The following RGPD2 variants were observed in gnomAD, a reference collection of about 807,000 sequenced individuals.
RGPD2 encodes RANBP2 like and GRIP domain containing 2, also known as RANBP2-like and GRIP domain-containing protein 2.
A neutral mutation model predicts 36.0 loss-of-function variants in RGPD2; 2 were observed. The ratio of observed to expected loss-of-function variants is 0.06; its 90% CI spans 0.02 to 0.17. The LOEUF (loss-of-function observed/expected upper bound fraction) is 0.17, where lower values mean the gene tolerates loss of function less well. Among genes scored for constraint, RGPD2 ranks in the 10% least tolerant of loss-of-function variants. The pLI, the probability that RGPD2 is intolerant of heterozygous loss-of-function variation, is 1.00. For synonymous variants in RGPD2, 19 were observed against 163.8 expected, an observed-to-expected ratio of 0.12 and a Z score of 6.75; for missense variants, 40 against 464.3, an observed-to-expected ratio of 0.09 and a Z score of 8.40.
At chr2:87,830,274 C>A (rs371536192), upstream of RGPD2, among the ~76,000 whole-genome samples, 1 of 151,686 alleles carries the variant, frequency 6.6e-6, no homozygotes, top group Admixed American at 6.6e-5. Flanking sequence ...CATTTTCCAC[C>A]CCTGCTGAAA....
the RGPD2 span, among the ~76,000 whole-genome samples, chr2:87,866,411 C>G: frequency 5.9e-5 from 9 of 152,186 alleles, no homozygotes; most frequent in Non-Finnish European, 8.8e-5. Context: ...CTGCTCTACA[C>G]TTGAATTTTT....
At chr2:87,807,356 T>C (rs1443597654) in intron 6 of RGPD2, among the ~76,000 whole-genome samples, 4 of 145,822 alleles carry the variant, frequency 2.7e-5, no homozygotes, top group African/African-American at 8.4e-5. Context: ...CTTTTTACTA[T>C]ATAGATCATT....
the RGPD2 span, among the ~76,000 whole-genome samples, chr2:87,974,880 C>T: frequency 6.6e-6 from 1 of 152,096 alleles, no homozygotes; most frequent in Non-Finnish European, 1.5e-5. Context: ...GTTCCTTTTA[C>T]TATTCATTTA....
chr2:87,932,583 C>T, the RGPD2 span, among the ~76,000 whole-genome samples: 1 of 143,182 alleles, frequency 7.0e-6, no homozygotes, highest in South Asian at 2.3e-4. Context: ...TTTGTAGTGG[C>T]TGGTAATGGT....
chr2:87,839,633 G>C, the RGPD2 span, among the ~76,000 whole-genome samples: 1 of 152,008 alleles, frequency 6.6e-6, no homozygotes, highest in Non-Finnish European at 1.5e-5. Flanking sequence ...AACATGGATG[G>C]AGCTGGAGGC....
chr2:87,842,640 G>A, the RGPD2 span, among the ~76,000 whole-genome samples: 2 of 149,574 alleles, frequency 1.3e-5, no homozygotes, highest in African/African-American at 5.0e-5. Context: ...ACTGCCCAAG[G>A]TAATGTATAG....
chr2:87,973,538 C>T, the RGPD2 span, among the ~76,000 whole-genome samples: 373 of 139,780 alleles, frequency 2.7e-3, 3 homozygotes, highest in African/African-American at 9.1e-3. Flanking sequence ...AGTCCCAACT[C>T]CTTGCGTTCC....
the RGPD2 span, among the ~76,000 whole-genome samples, chr2:87,881,287 C>T: frequency 6.6e-6 from 1 of 152,152 alleles, no homozygotes; most frequent in Non-Finnish European, 1.5e-5. Flanking sequence ...AGGATGGTGG[C>T]TCCTTTCCCA....
chr2:87,834,663 A>T, the RGPD2 span, among the ~76,000 whole-genome samples: 1 of 152,092 alleles, frequency 6.6e-6, no homozygotes, highest in Non-Finnish European at 1.5e-5. Flanking sequence ...TAACACATAA[A>T]CATTGCTGAG....
At chr2:87,847,364 T>C in the RGPD2 span, among the ~76,000 whole-genome samples, 10 of 152,346 alleles carry the variant, frequency 6.6e-5, no homozygotes, top group East Asian at 1.9e-3. Context: ...GATTAGCATG[T>C]TTTGATATTT....
the RGPD2 span, chr2:87,985,985 G>A: frequency 1.7e-6 from 2 of 1,178,648 alleles, no homozygotes; most frequent in Non-Finnish European, 2.4e-6. Flanking sequence ...CAATAACCAA[G>A]TTTTTTTAAC....
chr2:87,876,422 A>C, the RGPD2 span, among the ~76,000 whole-genome samples: 1 of 152,170 alleles, frequency 6.6e-6, no homozygotes, highest in Non-Finnish European at 1.5e-5. Flanking sequence ...ATTCTAGTAC[A>C]TTGTCTCTTT....
the RGPD2 span, among the ~76,000 whole-genome samples, chr2:87,880,133 G>A: frequency 2.2e-5 from 3 of 133,976 alleles, no homozygotes; most frequent in Non-Finnish European, 4.7e-5. Context: ...GTCTATTCAA[G>A]TTCTTTACCA....
the RGPD2 span, among the ~76,000 whole-genome samples, chr2:87,918,696 C>T: frequency 1.3e-5 from 2 of 152,076 alleles, no homozygotes; most frequent in African/African-American, 4.8e-5. Flanking sequence ...ACCAAAAATA[C>T]TACTGGAATG....
At chr2:87,927,439 G>C in the RGPD2 span, among the ~76,000 whole-genome samples, 5 of 142,324 alleles carry the variant, frequency 3.5e-5, no homozygotes, top group African/African-American at 5.4e-5. Flanking sequence ...CCATGTTTTT[G>C]TCACCATGTT....
At chr2:87,937,581 A>G in the RGPD2 span, among the ~76,000 whole-genome samples, 49 of 151,888 alleles carry the variant, frequency 3.2e-4, no homozygotes, top group East Asian at 8.9e-3. Context: ...ACTCTTTTTA[A>G]CAAGTATATC....
At chr2:87,985,810 A>C in the RGPD2 span, 26,981 of 1,611,306 alleles carry the variant, frequency 0.017, 1,880 homozygotes, top group Admixed American at 0.19. Flanking sequence ...TCTGAGTGAT[A>C]ACTGGGTCCT....
the RGPD2 span, among the ~76,000 whole-genome samples, chr2:87,912,856 A>C: frequency 7.8e-6 from 1 of 128,934 alleles, no homozygotes; most frequent in Non-Finnish European, 1.6e-5. Flanking sequence ...AGGAGAGAGA[A>C]AATTACATGA....
chr2:87,983,985 G>A, the RGPD2 span, among the ~76,000 whole-genome samples: 1 of 151,984 alleles, frequency 6.6e-6, no homozygotes, highest in Non-Finnish European at 1.5e-5. Flanking sequence ...GTCACTGGGG[G>A]ATTCTACGCA....
Sources: allele counts gnomAD v4.1 joint callset (sites outside exome capture counted in the v4.1 genomes callset), GRCh38; gene constraint gnomAD v4.1.1; transcripts MANE v1.5; gene names NCBI Gene and HGNC (gene_info 2026-07-23, HGNC 2026-07-21).